ADAMTSL1: variants seen among roughly 807,000 people sequenced by gnomAD.
ADAMTSL1 encodes the protein ADAMTS-like protein 1.
ADAMTSL1 carries 126 observed loss-of-function variants against 201.8 expected under a neutral mutation model. That is an observed-to-expected ratio of 0.62 (90% CI 0.54 to 0.72). The LOEUF is 0.72. Ranked by LOEUF, ADAMTSL1 falls within the 30% of genes least tolerant of loss-of-function variation. The pLI, the probability that ADAMTSL1 is intolerant of heterozygous loss-of-function variation, is 0.00. For synonymous variants in ADAMTSL1, 1,121 were observed against 903.4 expected (o/e 1.24, Z -4.32); for missense variants, 2,679 against 2,277.8 (o/e 1.18, Z -3.59).
intron 21 of ADAMTSL1, among the ~76,000 whole-genome samples, chr9:18,821,587 G>T (rs1824215035): frequency 6.6e-6 from 1 of 152,208 alleles, no homozygotes; most frequent in Non-Finnish European, 1.5e-5. Flanking sequence ...CTGGTTTTGT[G>T]AACAGCTATC....
intron 1 of ADAMTSL1, among the ~76,000 whole-genome samples, chr9:17,931,589 C>T (rs1391606506): frequency 6.6e-6 from 1 of 152,140 alleles, no homozygotes; most frequent in Admixed American, 6.6e-5. Flanking sequence ...TTTTCCACAT[C>T]GTGCCTCTTT....
chr9:18,897,674 G>A (rs1318078497), intron 26 of ADAMTSL1, among the ~76,000 whole-genome samples: 3 of 152,214 alleles, frequency 2.0e-5, no homozygotes, highest in East Asian at 3.9e-4. Flanking sequence ...CATCATCAAC[G>A]AAAAAGACCC....
At chr9:18,877,684 G>C (rs1205824054) in intron 23 of ADAMTSL1, among the ~76,000 whole-genome samples, 3 of 152,142 alleles carry the variant, frequency 2.0e-5, no homozygotes, top group African/African-American at 7.2e-5. Flanking sequence ...GTTTTGTTTA[G>C]TGTGCTGGTT....
intron 1 of ADAMTSL1, among the ~76,000 whole-genome samples, chr9:17,954,205 C>G (rs1016044567): frequency 2.0e-5 from 3 of 152,196 alleles, no homozygotes; most frequent in Non-Finnish European, 2.9e-5. Flanking sequence ...TCCTAAATGG[C>G]AGCTGGCTTC....
intron 2 of ADAMTSL1, among the ~76,000 whole-genome samples, chr9:18,424,781 T>G (rs1819128599): frequency 6.6e-6 from 1 of 152,132 alleles, no homozygotes; most frequent in Non-Finnish European, 1.5e-5. Context: ...TATTTTCAAG[T>G]GGAATCTTGA....
intron 1 of ADAMTSL1, among the ~76,000 whole-genome samples, chr9:17,957,711 C>G (rs1827984327): frequency 6.6e-6 from 1 of 152,120 alleles, no homozygotes; most frequent in Non-Finnish European, 1.5e-5. Flanking sequence ...TGAATTAGAG[C>G]AGACCCTAAA....
chr9:18,380,250 TAC>T, intron 2 of ADAMTSL1, among the ~76,000 whole-genome samples: 1 of 152,220 alleles, frequency 6.6e-6, no homozygotes, highest in Non-Finnish European at 1.5e-5. Context: ...GAAGAAGGAT[TAC>T]AAAAGATTAA....
At chr9:17,965,108 T>A (rs1817929192) in intron 1 of ADAMTSL1, among the ~76,000 whole-genome samples, 1 of 152,140 alleles carries the variant, frequency 6.6e-6, no homozygotes, top group South Asian at 2.1e-4. Flanking sequence ...ATGGACAACC[T>A]GGAAATTAAA....
chr9:18,257,176 C>T lies in ADAMTSL1; in HGVS notation c.207+93195C>T, dbSNP rs538774259. Among the ~76,000 whole-genome samples, 5 of 152,272 alleles carry T rather than the reference C, an allele frequency of 3.3e-5. No individual in the cohort carries two copies. In the South Asian group the frequency reaches 1.0e-3, roughly 32 times the overall value. On this transcript the variant is annotated intron_variant, in intron 2 of 29. Transcript: ENST00000680146. Reference sequence around the variant, plus strand: ...ATGTCAGGTATGGTGATCATCACAACACAATTCTTTAAATTTTCATATTTG... The same window carrying T: ...ATGTCAGGTATGGTGATCATCACAATACAATTCTTTAAATTTTCATATTTG...
At chr9:18,452,154 C>A (rs1451055862) in intron 2 of ADAMTSL1, among the ~76,000 whole-genome samples, 4 of 152,262 alleles carry the variant, frequency 2.6e-5, no homozygotes, top group South Asian at 2.1e-4. Context: ...CTCAGGTGAT[C>A]CACCCGCCTC....
chr9:17,917,147 G>A (rs185080576), intron 1 of ADAMTSL1, among the ~76,000 whole-genome samples: 13 of 152,200 alleles, frequency 8.5e-5, no homozygotes, highest in South Asian at 2.1e-4. Flanking sequence ...GTTGTTGTGT[G>A]CAACAATATG....
At chr9:18,864,158 G>A (rs1827369077) in intron 23 of ADAMTSL1, among the ~76,000 whole-genome samples, 1 of 152,092 alleles carries the variant, frequency 6.6e-6, no homozygotes, top group African/African-American at 2.4e-5. Flanking sequence ...TCCTCTTTTA[G>A]ATTGTATATT....
At chr9:18,484,293 G>A (rs970387735) in intron 1 of ADAMTSL1, among the ~76,000 whole-genome samples, 4 of 152,150 alleles carry the variant, frequency 2.6e-5, no homozygotes, top group Non-Finnish European at 5.9e-5. Context: ...TTGCTGTCAT[G>A]ATATTATTTT....
chr9:18,683,394 T>C (rs1456383446), intron 12 of ADAMTSL1, among the ~76,000 whole-genome samples: 1 of 140,802 alleles, frequency 7.1e-6, no homozygotes, highest in Non-Finnish European at 1.6e-5. Context: ...CCAGCTAATT[T>C]TTTGTATTTT....
At chr9:18,136,871 C>CA (rs1826180531) in intron 1 of ADAMTSL1, among the ~76,000 whole-genome samples, 1 of 152,024 alleles carries the variant, frequency 6.6e-6, no homozygotes, top group Non-Finnish European at 1.5e-5. Flanking sequence ...AAAACAGTCA[C>CA]AGAGGCTAAT....
chr9:17,999,066 TTATTGTC>T (rs1460786670), intron 1 of ADAMTSL1, among the ~76,000 whole-genome samples: 2 of 152,050 alleles, frequency 1.3e-5, no homozygotes, highest in African/African-American at 2.4e-5. Flanking sequence ...TATAGCCTCT[TTATTGTC>T]TATGGTGAAT....
chr9:18,312,391 C>G (rs538370347), intron 2 of ADAMTSL1, among the ~76,000 whole-genome samples: 1 of 152,254 alleles, frequency 6.6e-6, no homozygotes, highest in South Asian at 2.1e-4. Flanking sequence ...AGTGCCACAT[C>G]GTTGTATCTA....
intron 1 of ADAMTSL1, among the ~76,000 whole-genome samples, chr9:17,981,056 C>A (rs1818672344): frequency 6.6e-6 from 1 of 152,164 alleles, no homozygotes; most frequent in Non-Finnish European, 1.5e-5. Flanking sequence ...GGGATTCATC[C>A]CCATGATCCA....
At chr9:18,375,667 T>C (rs1406351777) in intron 2 of ADAMTSL1, among the ~76,000 whole-genome samples, 1 of 152,174 alleles carries the variant, frequency 6.6e-6, no homozygotes, top group African/African-American at 2.4e-5. Flanking sequence ...ATAAAGGTGG[T>C]GTGGACCCAA....
Sources: allele counts gnomAD v4.1 joint callset (sites outside exome capture counted in the v4.1 genomes callset), GRCh38; gene constraint gnomAD v4.1.1; transcripts MANE v1.5; gene names NCBI Gene and HGNC (gene_info 2026-07-23, HGNC 2026-07-21).